The following CDK5RAP2 variants were observed in gnomAD, a reference collection of about 807,000 sequenced individuals.
The protein encoded by CDK5RAP2 is CDK5 regulatory subunit-associated protein 2.
In CDK5RAP2, 147 loss-of-function variants were observed where a neutral mutation model predicts 232.9. That is an observed-to-expected ratio of 0.63 (90% confidence interval 0.55 to 0.72). CDK5RAP2 has a LOEUF of 0.72. Ranked by LOEUF, CDK5RAP2 falls within the 30% of genes least tolerant of loss-of-function variation. CDK5RAP2 has a pLI of 0.00. For missense variants in CDK5RAP2, 2,195 were observed against 2,231.5 expected (o/e 0.98, Z 0.33); for synonymous variants, 833 against 833.7 (o/e 1.00, Z 0.01).
chr9:120,476,485 C>G (rs1409408983), intron 15 of CDK5RAP2, among the ~76,000 whole-genome samples: 1 of 152,030 alleles, frequency 6.6e-6, no homozygotes, highest in Non-Finnish European at 1.5e-5. Context: ...CAAGACCATC[C>G]TGGCTAACAT....
rs368365191 is a variant in CDK5RAP2 at position 120,400,694 on chromosome 9, A to G, written c.5451+48T>C. The stretch of plus-strand genomic sequence containing the variant: ...CTTGGCATGGAGGAAACTGAGACAC[A>G]GGCCCCAGTGGCATCCTTGAGCCTC... On this transcript the variant is annotated intron_variant, in intron 35 of 37. Transcript: ENST00000349780. 2.5e-6 allele frequency: 4 copies of G among 1,608,990 alleles called. No individual in the cohort carries two copies. In the Admixed American group the frequency reaches 6.7e-5, roughly 27 times the overall value.
chr9:120,525,204 G>A (rs775637722), intron 10 of CDK5RAP2, 126 bp from the exon 11 acceptor site: 32 of 768,910 alleles, frequency 4.2e-5, no homozygotes, highest in Non-Finnish European at 6.9e-5. Flanking sequence ...GAAGAGATTC[G>A]AGTGGGATTT....
At chr9:120,441,212 C>T (rs2035878007) in intron 23 of CDK5RAP2, among the ~76,000 whole-genome samples, 1 of 152,186 alleles carries the variant, frequency 6.6e-6, no homozygotes, top group South Asian at 2.1e-4. Context: ...ATATAGAGAG[C>T]TGTCTGAATA....
intron 23 of CDK5RAP2, among the ~76,000 whole-genome samples, chr9:120,442,170 T>G (rs1187202479): frequency 6.6e-6 from 1 of 152,216 alleles, no homozygotes; most frequent in Non-Finnish European, 1.5e-5. Flanking sequence ...AAGAGGAAGT[T>G]GAGGCTTAGG....
chr9:120,557,206 A>T (rs2132098785), intron 3 of CDK5RAP2, among the ~76,000 whole-genome samples: 1 of 152,338 alleles, frequency 6.6e-6, no homozygotes, highest in African/African-American at 2.4e-5. Flanking sequence ...CACCATGGCC[A>T]GTTCAGTTCT....
rs758392981 is a variant in CDK5RAP2 at position 120,402,973 on chromosome 9, T to C, written c.5140A>G (p.Thr1714Ala). The change falls in exon 34 of 38, where the codon ACT becomes GCT. Residue 1714 changes from threonine to alanine, a missense_variant. Transcript: ENST00000349780. ...TTGCTGGCCCACAGGTGGTGGCCAGTGACCAGGCGGGACACACACGGAGTG... is the reference window on the plus strand; with the variant it reads ...TTGCTGGCCCACAGGTGGTGGCCAGCGACCAGGCGGGACACACACGGAGTG... Reference protein sequence around the residue: ...TSTPCVSRLVTGHHLWASKNG... With the variant: ...TSTPCVSRLVAGHHLWASKNG... The C allele has an allele frequency of 2.5e-6, 4 of 1,614,132 alleles. No homozygotes were observed. Among genetic ancestry groups the C allele is most frequent in the Non-Finnish European group, 3.4e-6 (4 of 1,180,014 alleles).
In CDK5RAP2 at chr9:120,448,129, G is replaced by A. The variant is rs867533350; in HGVS notation, c.2794-3C>T. The A allele has an allele frequency of 1.2e-6, 2 of 1,602,984 alleles. No homozygotes were observed. Among genetic ancestry groups the A allele is most frequent in the African/African-American group, 1.3e-5 (1 of 74,676 alleles). On this transcript the variant is annotated splice_region_variant and splice_polypyrimidine_tract_variant and intron_variant, in intron 21 of 37. Transcript: ENST00000349780. The stretch of plus-strand genomic sequence containing the variant: ...GGCAAGCGGGACTTCTTAGCCTCCT[G>A]AAAACACACATATGCAACAATGAAT...
chr9:120,484,712 A>C (rs889303504), intron 14 of CDK5RAP2, among the ~76,000 whole-genome samples: 8 of 151,996 alleles, frequency 5.3e-5, no homozygotes, highest in Non-Finnish European at 1.0e-4. Context: ...TAACAGAGCA[A>C]GACTCTGTCT....
intron 4 of CDK5RAP2, among the ~76,000 whole-genome samples, chr9:120,547,027 C>T (rs894531713): frequency 5.9e-5 from 9 of 151,730 alleles, no homozygotes; most frequent in African/African-American, 9.7e-5. Flanking sequence ...GCTCTTGTCA[C>T]CCAGTCTGGA....
chr9:120,415,657 G>C (rs966049381), intron 27 of CDK5RAP2, among the ~76,000 whole-genome samples: 2 of 152,198 alleles, frequency 1.3e-5, no homozygotes, highest in Non-Finnish European at 1.5e-5. Flanking sequence ...TAGTGAGAAT[G>C]GTAATAAGAA....
chr9:120,451,867 TTA>T (rs2036497677), intron 21 of CDK5RAP2, among the ~76,000 whole-genome samples: 1 of 147,734 alleles, frequency 6.8e-6, no homozygotes, highest in African/African-American at 2.5e-5. Flanking sequence ...ATATTATATA[TTA>T]TATATATAAT....
intron 19 of CDK5RAP2, among the ~76,000 whole-genome samples, chr9:120,459,880 A>C (rs547285472): frequency 1.5e-3 from 231 of 152,348 alleles, no homozygotes; most frequent in Non-Finnish European, 2.9e-3. Context: ...AATCTGTAGC[A>C]TCTTACCCCC....
rs112046347 is a variant in CDK5RAP2 at position 120,431,127 on chromosome 9, G to C, written c.3955+6168C>G. ...GGGACTGTTGTGGGGTGAGGGGAAG[G>C]GGGAGGGATAGCATTAGGAGATACA... is the stretch of plus-strand genomic sequence containing the variant. On this transcript the variant is annotated intron_variant, in intron 25 of 37. Coordinates refer to ENST00000349780, the MANE Select transcript of CDK5RAP2 (RefSeq NM_018249.6). 2.0e-3 allele frequency among the ~76,000 whole-genome samples: 304 copies of C among 152,262 alleles called. 2 individuals are homozygous for C. Among genetic ancestry groups the C allele is most frequent in the African/African-American group, 6.5e-3 (268 of 41,542 alleles).
At chr9:120,525,645 T>C (rs1256866849) in intron 10 of CDK5RAP2, among the ~76,000 whole-genome samples, 1 of 151,716 alleles carries the variant, frequency 6.6e-6, no homozygotes, top group Non-Finnish European at 1.5e-5. Flanking sequence ...TGAGACGGGG[T>C]CTTGCTCTGT....
intron 12 of CDK5RAP2, among the ~76,000 whole-genome samples, chr9:120,494,083 C>A (rs2039036843): frequency 1.5e-5 from 2 of 137,882 alleles, no homozygotes. Context: ...TACAGCAAGA[C>A]TCAGTTTAAA....
chr9:120,405,882 G>A (rs2033399877), intron 32 of CDK5RAP2, among the ~76,000 whole-genome samples: 1 of 152,086 alleles, frequency 6.6e-6, no homozygotes, highest in South Asian at 2.1e-4. Context: ...ATGTAATATT[G>A]GGCAAAAACA....
chr9:120,562,548 G>A (rs2042501376), intron 3 of CDK5RAP2, among the ~76,000 whole-genome samples: 1 of 151,980 alleles, frequency 6.6e-6, no homozygotes, highest in Non-Finnish European at 1.5e-5. Context: ...CTACAGACCT[G>A]GTCTTCAGCC....
chr9:120,456,965 A>C (rs891425018), intron 20 of CDK5RAP2, among the ~76,000 whole-genome samples: 1 of 152,226 alleles, frequency 6.6e-6, no homozygotes, highest in African/African-American at 2.4e-5. Flanking sequence ...GGTTCAGTCC[A>C]AGAGACTTCT....
chr9:120,401,602 C>T (rs1266704763), intron 34 of CDK5RAP2, among the ~76,000 whole-genome samples: 2 of 124,978 alleles, frequency 1.6e-5, no homozygotes. Context: ...CATGGCCAGA[C>T]CCTGTCTCAA....
Sources: allele counts gnomAD v4.1 joint callset (sites outside exome capture counted in the v4.1 genomes callset), GRCh38; gene constraint gnomAD v4.1.1; transcripts MANE v1.5; gene names NCBI Gene and HGNC (gene_info 2026-07-23, HGNC 2026-07-21).